LIN7A: variants seen among roughly 807,000 people sequenced by gnomAD.
The protein encoded by LIN7A is lin-7 cell polarity scaffold A, also known as protein lin-7 homolog A.
Under a neutral mutation model 29.8 loss-of-function variants are expected in LIN7A, and 25 were observed. That is an observed-to-expected ratio of 0.84 (90% confidence interval 0.61 to 1.17). LIN7A has a LOEUF of 1.17. LIN7A is among the 50% of genes most tolerant of loss of function. The pLI is 0.00. For synonymous variants in LIN7A, 118 were observed against 107.5 expected (o/e 1.10, Z -0.60); for missense variants, 239 against 287.0 (o/e 0.83, Z 1.21).
At chr12:80,904,570 C>G (rs1454610165) in intron 1 of LIN7A, among the ~76,000 whole-genome samples, 1 of 152,120 alleles carries the variant, frequency 6.6e-6, no homozygotes, top group Non-Finnish European at 1.5e-5. Flanking sequence ...CCCTTAACAT[C>G]ATGTCTTTCA....
intron 1 of LIN7A, among the ~76,000 whole-genome samples, chr12:80,899,578 T>C (rs1460355781): frequency 6.6e-6 from 1 of 151,940 alleles, no homozygotes; most frequent in Non-Finnish European, 1.5e-5. Flanking sequence ...CTTCTTTATG[T>C]ATCTGGGAAA....
intron 4 of LIN7A, among the ~76,000 whole-genome samples, chr12:80,812,601 G>C (rs962892402): frequency 2.0e-5 from 3 of 152,112 alleles, no homozygotes; most frequent in African/African-American, 7.2e-5. Flanking sequence ...GGCCAGGCTG[G>C]TGTGCAGTGG....
intron 1 of LIN7A, among the ~76,000 whole-genome samples, chr12:80,892,446 G>C (rs1341847093): frequency 6.6e-6 from 1 of 152,154 alleles, no homozygotes; most frequent in African/African-American, 2.4e-5. Context: ...ATCTGGACTA[G>C]GAGAAAAAGG....
chr12:80,809,327 TTC>T (rs1483588433), intron 5 of LIN7A, among the ~76,000 whole-genome samples: 2 of 152,232 alleles, frequency 1.3e-5, no homozygotes, highest in Non-Finnish European at 2.9e-5. Flanking sequence ...TATCCAATAT[TTC>T]TGTTTGTGCA....
At chr12:80,813,016 T>A (rs1871363751) in intron 4 of LIN7A, among the ~76,000 whole-genome samples, 1 of 151,894 alleles carries the variant, frequency 6.6e-6, no homozygotes, top group Non-Finnish European at 1.5e-5. Flanking sequence ...AATATACAGA[T>A]ATATTTTTTT....
chr12:80,836,840 C>T (rs1424963707), intron 4 of LIN7A, among the ~76,000 whole-genome samples: 1 of 152,046 alleles, frequency 6.6e-6, no homozygotes, highest in East Asian at 1.9e-4. Context: ...CATTCTGCTT[C>T]CTTCAGCCCA....
chr12:80,898,918 T>C (rs1010656488), intron 1 of LIN7A, among the ~76,000 whole-genome samples: 5 of 152,234 alleles, frequency 3.3e-5, no homozygotes, highest in Admixed American at 2.0e-4. Context: ...TATAGAATTA[T>C]ATAGTCTGTA....
At chr12:80,892,624 A>G (rs896181087) in intron 1 of LIN7A, among the ~76,000 whole-genome samples, 5 of 152,140 alleles carry the variant, frequency 3.3e-5, no homozygotes, top group Admixed American at 6.5e-5. Flanking sequence ...ACCTATGACA[A>G]ACAAATTAAA....
intron 2 of LIN7A, among the ~76,000 whole-genome samples, chr12:80,873,930 C>T (rs760882966): frequency 6.6e-5 from 10 of 150,830 alleles, no homozygotes; most frequent in Non-Finnish European, 1.2e-4. Context: ...TGCCCTACAA[C>T]TGGTAGGGCT....
At chr12:80,878,633 G>C (rs138472189) in intron 2 of LIN7A, among the ~76,000 whole-genome samples, 1 of 152,132 alleles carries the variant, frequency 6.6e-6, no homozygotes, top group Non-Finnish European at 1.5e-5. Context: ...TGCTGTTGGC[G>C]GACGTGGCCA....
At chr12:80,879,970 A>T (rs1163671) in intron 2 of LIN7A, among the ~76,000 whole-genome samples, 103,432 of 152,120 alleles carry the variant, frequency 0.68, 39,149 homozygotes, top group Non-Finnish European at 0.87. Context: ...ATGCAGCCTT[A>T]GTCAGCAAGG....
intron 2 of LIN7A, chr12:80,860,940 G>T (rs963443807): frequency 6.6e-6 from 1 of 152,196 alleles, no homozygotes; most frequent in Admixed American, 6.5e-5. Flanking sequence ...ATATGTTCAG[G>T]TGCTCACATT....
At chr12:80,805,920 C>T (rs558060505) in intron 5 of LIN7A, among the ~76,000 whole-genome samples, 7 of 102,590 alleles carry the variant, frequency 6.8e-5, no homozygotes, top group Admixed American at 2.0e-4. Flanking sequence ...CCATGTAAGA[C>T]GTGCCTTTCA....
At chr12:80,838,393 TA>T (rs1336719948) in intron 4 of LIN7A, among the ~76,000 whole-genome samples, 1 of 152,238 alleles carries the variant, frequency 6.6e-6, no homozygotes, top group East Asian at 1.9e-4. Context: ...TTCTGCTTTT[TA>T]AATTAAAAGA....
intron 1 of LIN7A, among the ~76,000 whole-genome samples, chr12:80,902,217 GTT>G (rs11410643): frequency 3.6e-3 from 451 of 125,630 alleles, no homozygotes; most frequent in Non-Finnish European, 4.3e-3. Context: ...TGGTCTATGT[GTT>G]TTTTTTTTTT....
chr12:80,915,937 G>C (rs145102271), intron 1 of LIN7A, among the ~76,000 whole-genome samples: 1 of 152,128 alleles, frequency 6.6e-6, no homozygotes, highest in Non-Finnish European at 1.5e-5. Flanking sequence ...TATGCTCACT[G>C]CCTGGGTGAT....
intron 2 of LIN7A, among the ~76,000 whole-genome samples, chr12:80,862,107 C>A (rs774437272): frequency 6.6e-6 from 1 of 152,062 alleles, no homozygotes; most frequent in Non-Finnish European, 1.5e-5. Context: ...AAGAACTTAC[C>A]AGATAGTTGA....
chr12:80,839,501 G>T (rs1004959739), intron 4 of LIN7A, among the ~76,000 whole-genome samples: 1 of 152,156 alleles, frequency 6.6e-6, no homozygotes, highest in Non-Finnish European at 1.5e-5. Flanking sequence ...TAAGAATTGG[G>T]ATAAGGCAAT....
chr12:80,857,103 C>A (rs1873639948), intron 2 of LIN7A, among the ~76,000 whole-genome samples: 2 of 152,170 alleles, frequency 1.3e-5, no homozygotes, highest in African/African-American at 4.8e-5. Flanking sequence ...GATACACCTT[C>A]TTCTCTTTCT....
Sources: allele counts gnomAD v4.1 joint callset (sites outside exome capture counted in the v4.1 genomes callset), GRCh38; gene constraint gnomAD v4.1.1; transcripts MANE v1.5; gene names NCBI Gene and HGNC (gene_info 2026-07-23, HGNC 2026-07-21).